Variants in SCHIP1 observed in about 807,000 individuals in gnomAD.
The protein encoded by SCHIP1 is schwannomin-interacting protein 1.
SCHIP1 carries 8 observed loss-of-function variants against 29.7 expected under a neutral mutation model. That is an observed-to-expected ratio of 0.27 (90% CI 0.16 to 0.49). The LOEUF is 0.49. Among genes scored for constraint, SCHIP1 ranks in the 20% least tolerant of loss-of-function variants. SCHIP1 has a pLI of 0.99. For synonymous variants in SCHIP1, 76 were observed against 94.9 expected (o/e 0.80, Z 1.16); for missense variants, 193 against 294.6 (o/e 0.66, Z 2.52).
chr3:159,750,257 GTGTGTGTATATATATATATATATATA>G, the SCHIP1 span, among the ~76,000 whole-genome samples: 386 of 135,098 alleles, frequency 2.9e-3, 2 homozygotes, highest in African/African-American at 9.0e-3. Context: ...GTGTGTATGT[GTGTGTGTATATATATATATATATATA>G]TATATATATA....
chr3:159,407,990 G>A, the SCHIP1 span, among the ~76,000 whole-genome samples: 947 of 152,210 alleles, frequency 6.2e-3, 15 homozygotes, highest in African/African-American at 0.022. Flanking sequence ...CAAGAGCAAA[G>A]CAAACCCAAA....
At chr3:159,509,273 A>G in the SCHIP1 span, among the ~76,000 whole-genome samples, 1 of 152,142 alleles carries the variant, frequency 6.6e-6, no homozygotes, top group African/African-American at 2.4e-5. Context: ...CCCTTTTATC[A>G]GAGACTAGGA....
At chr3:159,620,374 G>A in the SCHIP1 span, among the ~76,000 whole-genome samples, 103 of 152,298 alleles carry the variant, frequency 6.8e-4, no homozygotes, top group African/African-American at 2.4e-3. Flanking sequence ...AGAACTCCAT[G>A]ATAGGCCATG....
the SCHIP1 span, chr3:159,763,897 C>T: frequency 6.6e-6 from 1 of 152,004 alleles, no homozygotes; most frequent in African/African-American, 2.4e-5. Flanking sequence ...CAAAGTAAAG[C>T]TCAGCTCGCG....
chr3:159,502,946 G>A, the SCHIP1 span, among the ~76,000 whole-genome samples: 6 of 152,156 alleles, frequency 3.9e-5, no homozygotes, highest in African/African-American at 9.7e-5. Context: ...ATATAAAGAC[G>A]CTAAAAGGCG....
chr3:159,826,335 T>C, the SCHIP1 span, among the ~76,000 whole-genome samples: 1 of 152,190 alleles, frequency 6.6e-6, no homozygotes, highest in South Asian at 2.1e-4. Flanking sequence ...ATGGCTTCAG[T>C]TGTAGTGACA....
At chr3:159,714,054 T>G in the SCHIP1 span, among the ~76,000 whole-genome samples, 1 of 152,046 alleles carries the variant, frequency 6.6e-6, no homozygotes, top group Non-Finnish European at 1.5e-5. Context: ...ATGGCCAACA[T>G]AGCAAAACCC....
the SCHIP1 span, among the ~76,000 whole-genome samples, chr3:159,286,181 C>T: frequency 7.9e-5 from 12 of 152,132 alleles, no homozygotes; most frequent in East Asian, 5.8e-4. Flanking sequence ...AGGTAATAAG[C>T]GTAGTACCTG....
chr3:159,861,977 C>G lies in SCHIP1; in HGVS notation c.31-4186C>G, dbSNP rs1315860952. On this transcript the variant is annotated intron_variant, in intron 1 of 6. Transcript: ENST00000445224. The surrounding 1 kb of genome is among the most constrained non-coding windows in gnomAD (Gnocchi z 4.1). ...AGAACAAACCGCCCTTGAAACCACA[C>G]ACACATATATTTTACACATGTGGGC... Among the ~76,000 whole-genome samples the G allele has an allele frequency of 3.3e-5, 5 of 152,172 alleles. No homozygotes were observed. The highest frequency in any genetic ancestry group is 7.3e-5 in the Non-Finnish European group (5 of 68,036).
the SCHIP1 span, among the ~76,000 whole-genome samples, chr3:159,672,678 A>C: frequency 3.9e-5 from 6 of 152,196 alleles, no homozygotes; most frequent in South Asian, 2.1e-4. Context: ...CAAAAACAAC[A>C]ACCATTTAAT....
At chr3:159,459,984 C>T in the SCHIP1 span, among the ~76,000 whole-genome samples, 1 of 152,152 alleles carries the variant, frequency 6.6e-6, no homozygotes, top group African/African-American at 2.4e-5. Flanking sequence ...ATGAATGTCT[C>T]CTTGTTTAAC....
At chr3:159,370,168 G>A in the SCHIP1 span, among the ~76,000 whole-genome samples, 5 of 152,150 alleles carry the variant, frequency 3.3e-5, no homozygotes, top group Non-Finnish European at 5.9e-5. Context: ...ATGGAGTAAA[G>A]ACCAGTCTTG....
At chr3:159,375,686 G>A in the SCHIP1 span, 38 of 430,672 alleles carry the variant, frequency 8.8e-5, no homozygotes, top group Non-Finnish European at 1.0e-4. Flanking sequence ...GCAGTGAGCC[G>A]AGATCATGCC....
chr3:159,543,717 C>A, the SCHIP1 span, among the ~76,000 whole-genome samples: 2 of 151,958 alleles, frequency 1.3e-5, no homozygotes, highest in South Asian at 2.1e-4. Flanking sequence ...ATTTATAATC[C>A]TTTGGGTATA....
chr3:159,690,146 G>T, the SCHIP1 span, among the ~76,000 whole-genome samples: 1 of 152,128 alleles, frequency 6.6e-6, no homozygotes, highest in African/African-American at 2.4e-5. Context: ...TTTTTCTATT[G>T]TTTGGAATAG....
At chr3:159,688,229 T>A in the SCHIP1 span, among the ~76,000 whole-genome samples, 2 of 152,188 alleles carry the variant, frequency 1.3e-5, no homozygotes, top group African/African-American at 4.8e-5. Context: ...AGTGTAAAAG[T>A]GTTCCTATTT....
chr3:159,498,358 A>G, the SCHIP1 span, among the ~76,000 whole-genome samples: 2 of 152,268 alleles, frequency 1.3e-5, no homozygotes, highest in Admixed American at 6.5e-5. Context: ...AAGAACAACC[A>G]GTAATTCCTT....
At chr3:159,693,357 A>G in the SCHIP1 span, among the ~76,000 whole-genome samples, 1 of 152,196 alleles carries the variant, frequency 6.6e-6, no homozygotes, top group African/African-American at 2.4e-5. Context: ...ATATATATAT[A>G]TGCAAAGAGA....
At chr3:159,536,225 C>T in the SCHIP1 span, among the ~76,000 whole-genome samples, 7,966 of 152,158 alleles carry the variant, frequency 0.052, 287 homozygotes, top group Non-Finnish European at 0.073. Context: ...AGATTAATTC[C>T]CTGTTCACAC....
Sources: gnomAD v4.1 joint callset for allele counts (sites outside exome capture counted in the v4.1 genomes callset) on GRCh38, gnomAD v4.1.1 for gene constraint, Gnocchi (gnomAD v3.1) non-coding constraint, MANE v1.5 for transcripts, NCBI Gene and HGNC (gene_info 2026-07-23, HGNC 2026-07-21) for gene names.